The following NSG1 variants were observed in gnomAD, a reference collection of about 807,000 sequenced individuals.
NSG1 encodes neuronal vesicle trafficking-associated protein 1.
Under a neutral mutation model 19.3 loss-of-function variants are expected in NSG1, and 9 were observed. That is an observed-to-expected ratio of 0.47 (90% CI 0.28 to 0.81). The LOEUF is 0.81. Ranked by LOEUF, NSG1 falls within the 40% of genes least tolerant of loss-of-function variation. The pLI, the probability that NSG1 is intolerant of heterozygous loss-of-function variation, is 0.11. For synonymous variants in NSG1, 104 were observed against 107.0 expected (o/e 0.97, Z 0.17); for missense variants, 236 against 242.4 (o/e 0.97, Z 0.18).
intron 4 of NSG1, among the ~76,000 whole-genome samples, chr4:4,413,552 G>C (rs1052491014): frequency 1.3e-5 from 2 of 151,118 alleles, no homozygotes; most frequent in Non-Finnish European, 3.0e-5. Flanking sequence ...AGTGGGAAGG[G>C]GTTTGTGATG....
chr4:4,399,317 A>AT (rs1261182379), intron 3 of NSG1, among the ~76,000 whole-genome samples: 1 of 151,834 alleles, frequency 6.6e-6, no homozygotes, highest in Non-Finnish European at 1.5e-5. Context: ...TAATTTTCAT[A>AT]TTTTTTGTAG....
At chr4:4,411,668 C>T (rs1310810869) in intron 4 of NSG1, among the ~76,000 whole-genome samples, 3 of 152,112 alleles carry the variant, frequency 2.0e-5, no homozygotes, top group Non-Finnish European at 4.4e-5. Flanking sequence ...CGCTTGAACC[C>T]AGAAGGCGGA....
At chr4:4,392,806 G>A (rs886070695) in intron 3 of NSG1, among the ~76,000 whole-genome samples, 9 of 152,170 alleles carry the variant, frequency 5.9e-5, no homozygotes, top group African/African-American at 1.9e-4. Context: ...GGTACTATTT[G>A]TATTACCAGT....
intron 3 of NSG1, among the ~76,000 whole-genome samples, chr4:4,393,335 C>T (rs147730588): frequency 1.1e-4 from 16 of 152,366 alleles, no homozygotes; most frequent in Non-Finnish European, 1.5e-4. Context: ...ACTTTTCCCA[C>T]ATGACCACCT....
At chr4:4,396,886 G>A (rs979325261) in intron 3 of NSG1, among the ~76,000 whole-genome samples, 1 of 152,138 alleles carries the variant, frequency 6.6e-6, no homozygotes, top group Non-Finnish European at 1.5e-5. Context: ...GGGTGGTATT[G>A]GAGACCCTGA....
intron 3 of NSG1, among the ~76,000 whole-genome samples, chr4:4,406,705 G>A (rs1356537186): frequency 1.3e-5 from 2 of 152,192 alleles, no homozygotes; most frequent in Non-Finnish European, 2.9e-5. Flanking sequence ...TCAGTGTCCC[G>A]TGACTGTCCC....
chr4:4,404,414 C>T (rs1223216458), intron 3 of NSG1, among the ~76,000 whole-genome samples: 2 of 152,238 alleles, frequency 1.3e-5, no homozygotes, highest in Non-Finnish European at 2.9e-5. Context: ...CCGGCATCCC[C>T]CTTTCACAGG....
chr4:4,393,937 G>A (rs751560235), intron 3 of NSG1, among the ~76,000 whole-genome samples: 1 of 152,270 alleles, frequency 6.6e-6, no homozygotes, highest in African/African-American at 2.4e-5. Context: ...AGACCTCACC[G>A]CCCTGTTTCC....
chr4:4,387,914 C>T (rs1453287034), intron 2 of NSG1, among the ~76,000 whole-genome samples, 156 bp downstream of exon 2: 1 of 152,174 alleles, frequency 6.6e-6, no homozygotes, highest in Non-Finnish European at 1.5e-5. Flanking sequence ...TGTACCCGCG[C>T]GGGATTCTGG....
At chr4:4,405,246 C>G (rs1349239788) in intron 3 of NSG1, among the ~76,000 whole-genome samples, 1 of 152,156 alleles carries the variant, frequency 6.6e-6, no homozygotes, top group African/African-American at 2.4e-5. Flanking sequence ...CGGCCCTCTC[C>G]CTATATGCGT....
intron 3 of NSG1, among the ~76,000 whole-genome samples, chr4:4,402,089 A>T (rs10033274): frequency 1.5e-5 from 2 of 132,220 alleles, no homozygotes; most frequent in East Asian, 2.2e-4. Flanking sequence ...AGTTATCCCT[A>T]TGTTGCCCAG....
chr4:4,416,022 G>A lies in NSG1; in HGVS notation c.358-1213G>A, dbSNP rs543422383. 1.2e-5 allele frequency: 8 copies of A among 695,080 alleles called. No individual in the cohort carries two copies. The African/African-American group carries it at 1.4e-4, about 12-fold the overall frequency. 43.1% of individuals were successfully genotyped at this position (695,080 alleles called of 1,614,324 possible). ...CTGTTGATAAAAGGGCTGTACTTCAGTGGTGTCTTTTGGCTTTCTTTTCTG... is the reference window on the plus strand; with the variant it reads ...CTGTTGATAAAAGGGCTGTACTTCAATGGTGTCTTTTGGCTTTCTTTTCTG... On this transcript the variant is annotated intron_variant, in intron 4 of 4. Coordinates refer to ENST00000621129, the MANE Select transcript of NSG1 (RefSeq NM_014392.5).
At chr4:4,417,144 A>G in intron 4 of NSG1, 91 bp from the exon 5 acceptor site, 9 of 1,040,102 alleles carry the variant, frequency 8.7e-6, no homozygotes, top group Non-Finnish European at 7.5e-6. Context: ...AGCTCAGGGA[A>G]GGTGCTCAGT....
intron 1 of NSG1, 43 bp from the exon 2 acceptor site, chr4:4,387,561 C>CCGGGGTGGGGG: frequency 3.5e-6 from 4 of 1,141,990 alleles, no homozygotes; most frequent in South Asian, 1.5e-5. Flanking sequence ...CGCCCCGCCC[C>CCGGGGTGGGGG]GGGTCTTGCT....
At chr4:4,413,126 C>T (rs1271524938) in intron 4 of NSG1, among the ~76,000 whole-genome samples, 5 of 152,102 alleles carry the variant, frequency 3.3e-5, no homozygotes, top group Admixed American at 6.5e-5. Context: ...CGCTGGAACA[C>T]AGCCGAGAGC....
At chr4:4,391,825 CAG>C (rs563556781) in intron 3 of NSG1, among the ~76,000 whole-genome samples, 3 of 152,298 alleles carry the variant, frequency 2.0e-5, no homozygotes, top group East Asian at 1.9e-4. Flanking sequence ...ATTTTTATAA[CAG>C]GGGAAACCCA....
intron 3 of NSG1, among the ~76,000 whole-genome samples, chr4:4,403,213 G>T (rs1055637086): frequency 6.6e-6 from 1 of 152,228 alleles, no homozygotes; most frequent in Admixed American, 6.5e-5. Flanking sequence ...GAAAGGAGAG[G>T]TGAGTGTAAC....
chr4:4,414,867 G>A (rs1331057943), intron 4 of NSG1, among the ~76,000 whole-genome samples: 1 of 152,030 alleles, frequency 6.6e-6, no homozygotes, highest in Non-Finnish European at 1.5e-5. Flanking sequence ...GCCACTCCCA[G>A]TGGCCCCAAG....
intron 3 of NSG1, among the ~76,000 whole-genome samples, chr4:4,402,353 G>A (rs1158250224): frequency 7.4e-6 from 1 of 135,252 alleles, no homozygotes; most frequent in Non-Finnish European, 1.5e-5. Flanking sequence ...TTATAGACAC[G>A]CAGCACCACG....
Sources: gnomAD v4.1 joint callset for allele counts (sites outside exome capture counted in the v4.1 genomes callset) on GRCh38, gnomAD v4.1.1 for gene constraint, MANE v1.5 for transcripts, NCBI Gene and HGNC (gene_info 2026-07-23, HGNC 2026-07-21) for gene names.